Variants in TG observed in about 807,000 individuals in gnomAD.
TG encodes thyroid hormones.
A neutral mutation model predicts 324.7 loss-of-function variants in TG; 270 were observed. The observed-to-expected ratio is 0.83, with a 90% CI of 0.75 to 0.92. The LOEUF (loss-of-function observed/expected upper bound fraction) is 0.92. Among genes scored for constraint, TG ranks in the 40% least tolerant of loss-of-function variants. The pLI is 0.00. For synonymous variants in TG, 1,401 were observed against 1,327.0 expected, an observed-to-expected ratio of 1.06 and a Z score of -1.21; for missense variants, 3,591 against 3,456.4, an observed-to-expected ratio of 1.04 and a Z score of -0.98.
intron 16 of TG, among the ~76,000 whole-genome samples, chr8:132,904,244 A>C (rs1280469930): frequency 6.6e-6 from 1 of 152,210 alleles, no homozygotes; most frequent in East Asian, 1.9e-4. Context: ...TGCAGAAGAC[A>C]GGCAGTGCTC....
In TG at chr8:132,868,243, C is replaced by A. The variant is rs770585022; in HGVS notation, c.176+20C>A. 2.5e-6 allele frequency: 4 copies of A among 1,608,800 alleles called. No individual in the cohort carries two copies. The South Asian group carries it at 3.3e-5, about 13-fold the overall frequency. ...CTTCCAGTAAGGCTTATGTCAGCAG[C>A]GAACTCTCAAGGTCCAAGATGCCAT... On this transcript the variant is annotated intron_variant, in intron 2 of 47. Transcript: ENST00000220616.
At chr8:132,952,048 C>T (rs1279292784) in intron 27 of TG, among the ~76,000 whole-genome samples, 4 of 152,172 alleles carry the variant, frequency 2.6e-5, no homozygotes, top group Non-Finnish European at 5.9e-5. Context: ...CTCTTCATCC[C>T]AGTTTAACAA....
At chr8:133,070,054 AAAG>A in intron 41 of TG, among the ~76,000 whole-genome samples, 1 of 151,750 alleles carries the variant, frequency 6.6e-6, no homozygotes, top group African/African-American at 2.4e-5. Context: ...GAAAAGAAGA[AAAG>A]AAAGGAACTG....
chr8:132,954,171 C>G (rs532888330), intron 27 of TG, among the ~76,000 whole-genome samples: 4 of 152,078 alleles, frequency 2.6e-5, no homozygotes, highest in Non-Finnish European at 5.9e-5. Flanking sequence ...GAGAAAGTTA[C>G]AGTACACCTG....
At chr8:133,045,983 A>G (rs1448268729) in intron 41 of TG, among the ~76,000 whole-genome samples, 1 of 152,182 alleles carries the variant, frequency 6.6e-6, no homozygotes, top group Non-Finnish European at 1.5e-5. Context: ...AATCTGGAGA[A>G]GCTGAGTCAT....
At chr8:133,100,895 T>C (rs1849142337) in intron 43 of TG, among the ~76,000 whole-genome samples, 1 of 152,218 alleles carries the variant, frequency 6.6e-6, no homozygotes, top group Admixed American at 6.5e-5. Context: ...TAACTCATGC[T>C]CTTACTTTAC....
At chr8:133,070,026 A>C in intron 41 of TG, among the ~76,000 whole-genome samples, 1 of 52,282 alleles carries the variant, frequency 1.9e-5, no homozygotes, top group Non-Finnish European at 4.8e-5. Flanking sequence ...AAAAAAAAAA[A>C]GAAAGAAAGA....
chr8:133,115,751 C>T (rs972977277), intron 44 of TG, among the ~76,000 whole-genome samples: 2 of 152,242 alleles, frequency 1.3e-5, no homozygotes, highest in African/African-American at 4.8e-5. Flanking sequence ...CAGGGTCAGC[C>T]AGGGTCTGTC....
chr8:132,981,370 T>A (rs1176153245), intron 34 of TG, among the ~76,000 whole-genome samples: 1 of 152,222 alleles, frequency 6.6e-6, no homozygotes, highest in African/African-American at 2.4e-5. Context: ...AGTAAATTTC[T>A]AGGAGCAGAA....
At chr8:132,872,577 T>A (rs1839595023) in intron 4 of TG, among the ~76,000 whole-genome samples, 1 of 151,286 alleles carries the variant, frequency 6.6e-6, no homozygotes, top group African/African-American at 2.4e-5. Flanking sequence ...CCTCAGTGCA[T>A]AGTGTTGATA....
At chr8:132,979,318 T>A (rs143590580) in intron 34 of TG, among the ~76,000 whole-genome samples, 105 of 152,304 alleles carry the variant, frequency 6.9e-4, no homozygotes, top group African/African-American at 2.4e-3. Context: ...AAGATCTGTT[T>A]ACAAAGTCAA....
chr8:133,132,183 A>G (rs1364758746), intron 46 of TG, among the ~76,000 whole-genome samples: 1 of 152,208 alleles, frequency 6.6e-6, no homozygotes, highest in Admixed American at 6.5e-5. Flanking sequence ...TGATGACTCT[A>G]GATCGGGGTT....
At chr8:133,095,823 T>C (rs1848316563) in intron 42 of TG, among the ~76,000 whole-genome samples, 1 of 152,182 alleles carries the variant, frequency 6.6e-6, no homozygotes, top group Non-Finnish European at 1.5e-5. Context: ...TATTCTCAGC[T>C]CCCCTAAGTG....
At chr8:133,134,627 A>G (rs1159086938) in intron 47 of TG, 49 bp from the exon 48 acceptor site, 4 of 1,508,770 alleles carry the variant, frequency 2.7e-6, no homozygotes, top group Non-Finnish European at 3.7e-6. Context: ...ACCAGAGAAG[A>G]GAAGTCCTAA....
At chr8:133,088,790 C>G (rs138193270) in intron 41 of TG, among the ~76,000 whole-genome samples, 1 of 152,036 alleles carries the variant, frequency 6.6e-6, no homozygotes, top group Non-Finnish European at 1.5e-5. Flanking sequence ...GATTTCAAGA[C>G]GAATTGTATT....
intron 20 of TG, among the ~76,000 whole-genome samples, chr8:132,915,308 C>T (rs7843615): frequency 1.2e-3 from 186 of 152,324 alleles, no homozygotes; most frequent in African/African-American, 4.3e-3. Flanking sequence ...TCTATCTCCT[C>T]TGACTGTCTT....
chr8:133,015,295 A>G (rs1265204294), intron 37 of TG, among the ~76,000 whole-genome samples: 2 of 152,214 alleles, frequency 1.3e-5, no homozygotes, highest in Non-Finnish European at 2.9e-5. Flanking sequence ...TCAATGGGAA[A>G]TGCTCACTTC....
intron 26 of TG, among the ~76,000 whole-genome samples, chr8:132,946,389 C>T (rs1825297365): frequency 6.6e-6 from 1 of 152,190 alleles, no homozygotes; most frequent in South Asian, 2.1e-4. Context: ...GAACTAAACA[C>T]TCACCTCGCA....
intron 41 of TG, chr8:133,074,735 C>T (rs1392530969): frequency 6.4e-6 from 3 of 465,914 alleles, no homozygotes; most frequent in Non-Finnish European, 8.4e-6. Flanking sequence ...AAGACATTGC[C>T]CCACCTGTTC....
Sources: gnomAD v4.1 joint callset for allele counts (sites outside exome capture counted in the v4.1 genomes callset) on GRCh38, gnomAD v4.1.1 for gene constraint, MANE v1.5 for transcripts, NCBI Gene and HGNC (gene_info 2026-07-23, HGNC 2026-07-21) for gene names.